Variants in PDZD2 observed in about 807,000 individuals in gnomAD.
PDZD2 encodes the protein PDZ domain containing 2.
In PDZD2, 90 loss-of-function variants were observed where a neutral mutation model predicts 220.7. The ratio of observed to expected loss-of-function variants is 0.41; its 90% CI spans 0.34 to 0.49. The LOEUF (loss-of-function observed/expected upper bound fraction) is 0.49, where lower values mean the gene tolerates loss of function less well. PDZD2 is among the 20% of genes least tolerant of loss of function. The pLI is 0.28. For synonymous variants in PDZD2, 1,375 were observed against 1,450.5 expected (o/e 0.95, Z 1.18); for missense variants, 3,174 against 3,608.5 (o/e 0.88, Z 3.08).
chr5:31,832,180 T>C (rs1158896329), intron 2 of PDZD2, among the ~76,000 whole-genome samples: 1 of 152,094 alleles, frequency 6.6e-6, no homozygotes, highest in Non-Finnish European at 1.5e-5. Context: ...GGCATGAGCC[T>C]GGCGTGATTC....
chr5:31,851,779 T>C (rs1050928049), intron 2 of PDZD2, among the ~76,000 whole-genome samples: 1 of 152,220 alleles, frequency 6.6e-6, no homozygotes, highest in Non-Finnish European at 1.5e-5. Context: ...CCAGATCATA[T>C]CTTTCTGGCC....
intron 1 of PDZD2, among the ~76,000 whole-genome samples, chr5:31,678,544 G>A (rs1287874378): frequency 2.0e-5 from 3 of 152,158 alleles, no homozygotes; most frequent in East Asian, 1.9e-4. Flanking sequence ...TCTGGAGCCT[G>A]GGGACGTCAG....
At chr5:31,831,487 G>A (rs978200761) in intron 2 of PDZD2, among the ~76,000 whole-genome samples, 6 of 148,464 alleles carry the variant, frequency 4.0e-5, no homozygotes, top group Admixed American at 6.7e-5. Flanking sequence ...GGTGGCTCAC[G>A]CCTATAATCC....
At position 31,995,694 on chromosome 5, in the gene PDZD2, T is replaced by C; in HGVS notation, c.1097T>C (p.Val366Ala). ...RSPHAIVVTQ[V>A]KEGGAAHRDG... is the part of the protein sequence containing the mutation. The stretch of plus-strand genomic sequence containing the variant: ...CCTCACGCTATCGTTGTCACTCAAG[T>C]GAAGGAAGGAGGTGCCGCTCACAGG... The change falls in exon 4 of 25, where the codon GTG becomes GCG. Residue 366 changes from valine to alanine, a missense_variant. Around this residue, in one of 4 missense-constraint regions of PDZD2, gnomAD observed 632 missense variants for 708.1 expected, o/e 0.89. Transcript: ENST00000438447. 1 of 1,613,950 alleles carries C rather than the reference T, an allele frequency of 6.2e-7. No homozygotes were observed. The highest frequency in any genetic ancestry group is 8.5e-7 in the Non-Finnish European group (1 of 1,180,024).
At chr5:31,640,504 A>C (rs1021666402) in intron 1 of PDZD2, among the ~76,000 whole-genome samples, 3 of 152,110 alleles carry the variant, frequency 2.0e-5, no homozygotes, top group African/African-American at 7.2e-5. Context: ...AAACTACTGG[A>C]AGTGGTTGCT....
At chr5:31,725,714 T>A in intron 1 of PDZD2, 1 of 887,892 alleles carries the variant, frequency 1.1e-6, no homozygotes, top group Non-Finnish European at 1.9e-6. Context: ...AGTTTTGGTA[T>A]GAGATGCAGG....
chr5:32,037,524 T>A (rs555301931), intron 7 of PDZD2, among the ~76,000 whole-genome samples, 182 bp downstream of exon 7: 2 of 152,338 alleles, frequency 1.3e-5, no homozygotes, highest in South Asian at 4.1e-4. Flanking sequence ...TGTGTGAATT[T>A]CATTTTTTTT....
chr5:31,901,997 T>C (rs1742147031), intron 2 of PDZD2, among the ~76,000 whole-genome samples: 2 of 152,262 alleles, frequency 1.3e-5, no homozygotes, highest in Admixed American at 6.5e-5. Flanking sequence ...GTGATCGATA[T>C]TGGGGTTGTT....
At position 32,110,009 on chromosome 5, in the gene PDZD2, AG is replaced by A. The variant is rs1445490207; in HGVS notation, c.*1876del. The A allele has an allele frequency of 1.3e-5, 2 of 148,738 alleles. No individual in the cohort carries two copies. Among genetic ancestry groups the A allele is most frequent in the Non-Finnish European group, 3.0e-5 (2 of 67,414 alleles). The allele number at this position is 148,738 out of a possible 1,614,324, so 9.2% of individuals were successfully genotyped here. ...ACTACAGTTACAGGTAGAATACTGT[AG>A]GAAGTCAGTGCAAGGTGCATGCTTG... is the stretch of plus-strand genomic sequence containing the variant. On this transcript the variant is annotated 3_prime_UTR_variant, in exon 25 of 25. Transcript: ENST00000438447.
intron 2 of PDZD2, among the ~76,000 whole-genome samples, chr5:31,879,936 G>A (rs1221972898): frequency 1.1e-4 from 14 of 127,252 alleles, no homozygotes; most frequent in East Asian, 2.2e-4. Flanking sequence ...TTTTTAACAC[G>A]GATTCTTGCT....
At chr5:31,888,586 T>C (rs1472625066) in intron 2 of PDZD2, among the ~76,000 whole-genome samples, 2 of 152,216 alleles carry the variant, frequency 1.3e-5, no homozygotes, top group Non-Finnish European at 2.9e-5. Flanking sequence ...GGCTTGGCTG[T>C]TAATGAGGTG....
chr5:32,079,812 A>AG (rs1741734514), intron 19 of PDZD2, among the ~76,000 whole-genome samples: 3 of 152,024 alleles, frequency 2.0e-5, no homozygotes, highest in African/African-American at 7.2e-5. Flanking sequence ...ACTCCGTCTC[A>AG]GAAAAAAAAA....
intron 1 of PDZD2, among the ~76,000 whole-genome samples, chr5:31,772,453 G>C (rs10035847): frequency 0.029 from 4,430 of 152,254 alleles, 210 homozygotes; most frequent in African/African-American, 0.098. Flanking sequence ...TGTTGTTCAG[G>C]TGTGCTCTCG....
intron 1 of PDZD2, among the ~76,000 whole-genome samples, chr5:31,673,970 C>CA (rs1311472205): frequency 6.6e-5 from 10 of 151,742 alleles, no homozygotes; most frequent in East Asian, 3.9e-4. Context: ...GACTCCGTAT[C>CA]AAAAAAAAGA....
intron 2 of PDZD2, among the ~76,000 whole-genome samples, chr5:31,962,512 C>T (rs1411539844): frequency 6.6e-6 from 1 of 152,158 alleles, no homozygotes; most frequent in Non-Finnish European, 1.5e-5. Context: ...ATAGCAAGAA[C>T]CCCGTGGTTG....
At chr5:31,891,569 C>T (rs1262992977) in intron 2 of PDZD2, among the ~76,000 whole-genome samples, 1 of 152,216 alleles carries the variant, frequency 6.6e-6, no homozygotes, top group African/African-American at 2.4e-5. Context: ...CCCGCCTCTG[C>T]CTCCCAAAGT....
At position 31,964,082 on chromosome 5, in the gene PDZD2, A is replaced by G. The variant is rs542996769; in HGVS notation, c.477-19073A>G. 4.6e-5 allele frequency among the ~76,000 whole-genome samples: 7 copies of G among 152,324 alleles called. No homozygotes were observed. In the South Asian group the frequency reaches 8.3e-4, roughly 18 times the overall value. ...ATACTTTTTTTCCAGACATGGCTAC[A>G]GTTCCTTTTGTCCCACTCCTACCAC... On this transcript the variant is annotated intron_variant, in intron 2 of 24. Coordinates refer to ENST00000438447, the MANE Select transcript of PDZD2 (RefSeq NM_178140.4).
chr5:32,074,908 T>A (rs962673207), intron 18 of PDZD2, among the ~76,000 whole-genome samples: 5 of 151,950 alleles, frequency 3.3e-5, no homozygotes, highest in African/African-American at 1.2e-4. Flanking sequence ...CCTCCCAGGT[T>A]CAAGCGATTG....
chr5:31,972,572 A>G (rs888791385), intron 2 of PDZD2, among the ~76,000 whole-genome samples: 4 of 152,246 alleles, frequency 2.6e-5, no homozygotes, highest in Non-Finnish European at 4.4e-5. Context: ...TCAAATGCCT[A>G]TAACAGTGCC....
Sources: gnomAD v4.1 joint callset for allele counts (sites outside exome capture counted in the v4.1 genomes callset) on GRCh38, gnomAD v4.1.1 for gene constraint, gnomAD v4.1.1 regional missense constraint, MANE v1.5 for transcripts, NCBI Gene and HGNC (gene_info 2026-07-23, HGNC 2026-07-21) for gene names.